NKAIN2: variants seen among roughly 807,000 people sequenced by gnomAD.
The protein encoded by NKAIN2 is sodium/potassium transporting ATPase interacting 2.
A neutral mutation model predicts 32.6 loss-of-function variants in NKAIN2; 14 were observed. The observed-to-expected ratio is 0.43, with a 90% confidence interval of 0.28 to 0.67. The LOEUF (loss-of-function observed/expected upper bound fraction) is 0.67. Ranked by LOEUF, NKAIN2 falls within the 30% of genes least tolerant of loss-of-function variation. The probability of loss-of-function intolerance (pLI) is 0.17; values close to 1 mark genes in which losing one functional copy is unlikely to be tolerated. For missense variants in NKAIN2, 198 were observed against 258.3 expected, an observed-to-expected ratio of 0.77 and a Z score of 1.60; for synonymous variants, 80 against 87.2, an observed-to-expected ratio of 0.92 and a Z score of 0.46.
intron 1 of NKAIN2, among the ~76,000 whole-genome samples, chr6:123,844,910 CT>C (rs1222204214): frequency 3.9e-5 from 6 of 152,088 alleles, no homozygotes; most frequent in African/African-American, 1.4e-4. Flanking sequence ...AGGCCTATGG[CT>C]AAATCTCAAC....
rs530697079 is a variant in NKAIN2 at position 124,726,463 on chromosome 6, G to A, written c.475-64876G>A. On this transcript the variant is annotated intron_variant, in intron 4 of 6. Coordinates refer to ENST00000368417, the MANE Select transcript of NKAIN2 (RefSeq NM_001040214.3). ...GCAGGGGCACACTGACACCTCACAC[G>A]GCAGGGTATTCCAACAGACCTGCAG... Among the ~76,000 whole-genome samples the A allele has an allele frequency of 6.6e-5, 10 of 151,902 alleles. No homozygotes were observed. In the East Asian group the frequency reaches 1.8e-3, roughly 27 times the overall value.
chr6:124,278,155 G>A (rs1795127145), intron 1 of NKAIN2, among the ~76,000 whole-genome samples: 1 of 152,228 alleles, frequency 6.6e-6, no homozygotes, highest in Admixed American at 6.5e-5. Context: ...ATATGTTCAA[G>A]TGCATGTAAT....
intron 3 of NKAIN2, among the ~76,000 whole-genome samples, chr6:124,356,348 T>C (rs1798975031): frequency 6.6e-6 from 1 of 152,210 alleles, no homozygotes; most frequent in Non-Finnish European, 1.5e-5. Flanking sequence ...AAAGCACTCA[T>C]CATGTGATGT....
At chr6:124,170,523 A>G (rs1186708021) in intron 1 of NKAIN2, among the ~76,000 whole-genome samples, 1 of 152,214 alleles carries the variant, frequency 6.6e-6, no homozygotes, top group Non-Finnish European at 1.5e-5. Context: ...AGAGTTGGAC[A>G]ATGAAAGTGT....
At chr6:124,325,708 T>A (rs997451691) in intron 2 of NKAIN2, among the ~76,000 whole-genome samples, 3 of 152,106 alleles carry the variant, frequency 2.0e-5, no homozygotes, top group Non-Finnish European at 4.4e-5. Flanking sequence ...ATTGACATAA[T>A]CAGAACAGTG....
intron 1 of NKAIN2, among the ~76,000 whole-genome samples, chr6:123,942,041 G>A (rs139923570): frequency 2.0e-5 from 3 of 152,020 alleles, no homozygotes; most frequent in East Asian, 3.9e-4. Context: ...ATAGCTAGTT[G>A]ACTTTTGCTA....
chr6:124,569,284 C>G lies in NKAIN2; in HGVS notation c.274-88902C>G, dbSNP rs548478511. ...TGATTGAGATAGATGCCATCTGATGCCACCTCTCACAGATTTTTTTCTACC... is the reference window on the plus strand; with the variant it reads ...TGATTGAGATAGATGCCATCTGATGGCACCTCTCACAGATTTTTTTCTACC... On this transcript the variant is annotated intron_variant, in intron 3 of 6. Coordinates refer to ENST00000368417, the MANE Select transcript of NKAIN2 (RefSeq NM_001040214.3). Among the ~76,000 whole-genome samples, 44 of 152,266 alleles carry G rather than the reference C, an allele frequency of 2.9e-4. No individual in the cohort carries two copies. The South Asian group carries it at 8.9e-3, about 31-fold the overall frequency.
intron 1 of NKAIN2, among the ~76,000 whole-genome samples, chr6:123,938,437 TATATATATATATATACAC>T (rs1776642766): frequency 2.4e-5 from 1 of 41,614 alleles, no homozygotes; most frequent in African/African-American, 1.2e-4. Flanking sequence ...TATATATATA[TATATATATATATATACAC>T]ACACACACAC....
At chr6:124,393,398 A>G (rs1022843941) in intron 3 of NKAIN2, among the ~76,000 whole-genome samples, 3 of 151,610 alleles carry the variant, frequency 2.0e-5, no homozygotes, top group African/African-American at 7.3e-5. Context: ...TGTGTACATT[A>G]ACAAGACTGT....
intron 3 of NKAIN2, among the ~76,000 whole-genome samples, chr6:124,386,711 C>G (rs189179298): frequency 6.6e-6 from 1 of 152,228 alleles, no homozygotes; most frequent in East Asian, 1.9e-4. Context: ...ATTGCCAATC[C>G]TCTTCAATTA....
chr6:124,722,926 G>T (rs1259710747), intron 4 of NKAIN2, among the ~76,000 whole-genome samples: 1 of 152,114 alleles, frequency 6.6e-6, no homozygotes, highest in African/African-American at 2.4e-5. Flanking sequence ...GTCTTTCAAG[G>T]TGTGGTTTGC....
At chr6:123,931,024 G>T (rs1021291581) in intron 1 of NKAIN2, among the ~76,000 whole-genome samples, 3 of 151,912 alleles carry the variant, frequency 2.0e-5, no homozygotes, top group Non-Finnish European at 1.5e-5. Flanking sequence ...TGAAGGCGGG[G>T]CAGGTGTTCA....
intron 3 of NKAIN2, among the ~76,000 whole-genome samples, chr6:124,633,349 C>T (rs1338152202): frequency 1.3e-5 from 2 of 152,054 alleles, no homozygotes; most frequent in Non-Finnish European, 1.5e-5. Flanking sequence ...GTACACATTG[C>T]CTCAAAGTTA....
rs141130285 is a variant in NKAIN2, at chr6:123,918,025, C to A, written c.54+113771C>A. Reference sequence around the variant, plus strand: ...AGATCATATTGAAAACGATTATACTCAAAAATTATGTCCTTATTATATGAC... The same window carrying A: ...AGATCATATTGAAAACGATTATACTAAAAAATTATGTCCTTATTATATGAC... On this transcript the variant is annotated intron_variant, in intron 1 of 6. Coordinates refer to ENST00000368417, the MANE Select transcript of NKAIN2 (RefSeq NM_001040214.3). Among the ~76,000 whole-genome samples, 1,428 of 152,206 alleles carry A rather than the reference C, an allele frequency of 9.4e-3. 13 individuals are homozygous for A. Among genetic ancestry groups the A allele is most frequent in the Non-Finnish European group, 0.014 (933 of 68,014 alleles).
intron 1 of NKAIN2, among the ~76,000 whole-genome samples, chr6:124,226,519 A>G (rs1792119873): frequency 6.6e-6 from 1 of 151,976 alleles, no homozygotes; most frequent in East Asian, 1.9e-4. Flanking sequence ...AATCACCACC[A>G]ATGTCAAAGG....
intron 3 of NKAIN2, among the ~76,000 whole-genome samples, chr6:124,502,125 T>C (rs1778316778): frequency 6.6e-6 from 1 of 151,710 alleles, no homozygotes; most frequent in African/African-American, 2.4e-5. Flanking sequence ...CAATACAATA[T>C]AATATAATGG....
At chr6:124,194,966 A>G (rs1790242879) in intron 1 of NKAIN2, among the ~76,000 whole-genome samples, 2 of 150,010 alleles carry the variant, frequency 1.3e-5, no homozygotes, top group African/African-American at 4.9e-5. Flanking sequence ...TGAAGAGGTG[A>G]AAGTTTCAAA....
intron 3 of NKAIN2, among the ~76,000 whole-genome samples, chr6:124,582,943 A>C (rs776601544): frequency 6.6e-6 from 1 of 152,110 alleles, no homozygotes; most frequent in Non-Finnish European, 1.5e-5. Flanking sequence ...AAAACCCTAA[A>C]AAACTAGGTA....
intron 3 of NKAIN2, among the ~76,000 whole-genome samples, chr6:124,593,492 T>C (rs551268145): frequency 4.6e-5 from 7 of 152,196 alleles, no homozygotes; most frequent in South Asian, 4.1e-4. Context: ...CTCCCCTCCA[T>C]AGGGCTGAGG....
Sources: gnomAD v4.1 joint callset for allele counts (sites outside exome capture counted in the v4.1 genomes callset) on GRCh38, gnomAD v4.1.1 for gene constraint, MANE v1.5 for transcripts, NCBI Gene and HGNC (gene_info 2026-07-23, HGNC 2026-07-21) for gene names.